Variants in PITPNM2 observed in about 807,000 individuals in gnomAD.
PITPNM2 encodes the protein phosphatidylinositol transfer protein membrane associated 2.
A neutral mutation model predicts 132.2 loss-of-function variants in PITPNM2; 35 were observed. The ratio of observed to expected loss-of-function variants is 0.26; its 90% CI spans 0.20 to 0.35. The LOEUF is 0.35. PITPNM2 is among the 10% of genes least tolerant of loss of function. The pLI is 1.00. For synonymous variants in PITPNM2, 738 were observed against 799.2 expected (o/e 0.92, Z 1.29); for missense variants, 1,332 against 1,912.0 (o/e 0.70, Z 5.66).
intron 2 of PITPNM2, among the ~76,000 whole-genome samples, chr12:123,061,572 TCTCAGA>T (rs1345416474): frequency 5.3e-5 from 8 of 152,220 alleles, no homozygotes; most frequent in Admixed American, 5.2e-4. Flanking sequence ...GCAAGAAGCT[TCTCAGA>T]CCAAAGGCTT....
At chr12:123,015,116 C>T (rs59379557) in intron 3 of PITPNM2, among the ~76,000 whole-genome samples, 1 of 152,174 alleles carries the variant, frequency 6.6e-6, no homozygotes, top group Non-Finnish European at 1.5e-5. Context: ...CTGCCCCAAA[C>T]AACCTACAGA....
chr12:123,052,977 T>C (rs2040911868), intron 2 of PITPNM2, among the ~76,000 whole-genome samples: 1 of 152,084 alleles, frequency 6.6e-6, no homozygotes, highest in Admixed American at 6.5e-5. Context: ...ACCTCCTGAA[T>C]TCAAGCAACC....
rs1252688121 is a variant in PITPNM2 at position 123,064,907 on chromosome 12, C to T, written c.-95-30222G>A. Among the ~76,000 whole-genome samples the T allele has an allele frequency of 6.6e-6, 1 of 152,228 alleles. No homozygotes were observed. Among genetic ancestry groups the T allele is most frequent in the Non-Finnish European group, 1.5e-5 (1 of 68,038 alleles). ...CCTCAGTGTACCCATTTGTGGACCA[C>T]CACCCACCTTGGAGGGTTGAGTGGG... On this transcript the variant is annotated intron_variant, in intron 2 of 25. Transcript: ENST00000320201. This position sits in a 1 kb window ranked among gnomAD's most constrained non-coding sequence, Gnocchi z 4.0.
intron 3 of PITPNM2, among the ~76,000 whole-genome samples, chr12:123,026,376 T>C (rs771633737): frequency 2.6e-5 from 4 of 152,220 alleles, no homozygotes; most frequent in Non-Finnish European, 5.9e-5. Context: ...CGTAGAACCT[T>C]TGGAGGAAGT....
At chr12:123,092,711 C>T (rs957345068) in intron 2 of PITPNM2, 9 of 152,250 alleles carry the variant, frequency 5.9e-5, no homozygotes, top group African/African-American at 2.2e-4. Flanking sequence ...CTAACCCATC[C>T]TAGGTCTCCG....
Position 123,036,691 on chromosome 12 carries a change from GTC to G in PITPNM2, c.-95-2008_-95-2007del, listed in dbSNP as rs1185188058. ...CCCAGACCCCAACTGCCCCTTGGAG[GTC>G]TCTGACCCAGACTCCCCATGGTGCT... On this transcript the variant is annotated intron_variant, in intron 2 of 25. Transcript: ENST00000320201. The surrounding 1 kb of genome is among the most constrained non-coding windows in gnomAD (Gnocchi z 4.1). Among the ~76,000 whole-genome samples, 2 of 152,200 alleles carry G rather than the reference GTC, an allele frequency of 1.3e-5. No individual in the cohort carries two copies. Among genetic ancestry groups the G allele is most frequent in the Admixed American group, 1.3e-4 (2 of 15,288 alleles).
Position 122,994,807 on chromosome 12 carries a change from G to A in PITPNM2, c.2227C>T (p.Leu743=). 1 of 1,609,610 alleles carries A rather than the reference G, an allele frequency of 6.2e-7. No individual in the cohort carries two copies. ...LALRKTVIPA[L]DVFQLRPACQ... is the part of the protein sequence containing the mutation. ...GCCCCTGCTGGGCTCTCACCATCCAGGGCTGGGATGACAGTCTTCCTCAAG... is the reference window on the plus strand; with the variant it reads ...GCCCCTGCTGGGCTCTCACCATCCAAGGCTGGGATGACAGTCTTCCTCAAG... Residue 743 remains leucine (L), a synonymous_variant, in exon 15 of 26, where the codon CTG becomes TTG. Transcript: ENST00000320201. The surrounding 1 kb of genome is among the most constrained non-coding windows in gnomAD (Gnocchi z 5.4).
intron 1 of PITPNM2, among the ~76,000 whole-genome samples, chr12:123,137,580 T>C (rs1008009247): frequency 6.6e-6 from 1 of 152,074 alleles, no homozygotes; most frequent in Non-Finnish European, 1.5e-5. Context: ...CAGGTGGGTA[T>C]TGGAACCAAG....
chr12:123,013,186 C>T (rs1250861761), intron 4 of PITPNM2, among the ~76,000 whole-genome samples: 1 of 152,234 alleles, frequency 6.6e-6, no homozygotes, highest in African/African-American at 2.4e-5. Context: ...GGAAAAAGCT[C>T]CGTGGATCCC....
intron 3 of PITPNM2, among the ~76,000 whole-genome samples, chr12:123,027,687 C>T (rs2039915084): frequency 6.6e-6 from 1 of 152,256 alleles, no homozygotes; most frequent in African/African-American, 2.4e-5. Flanking sequence ...GGCAGAGCCA[C>T]TGGGAGCCAG....
chr12:123,134,625 C>T (rs1450820305), intron 1 of PITPNM2, among the ~76,000 whole-genome samples: 4 of 151,996 alleles, frequency 2.6e-5, no homozygotes, highest in African/African-American at 9.7e-5. Flanking sequence ...GACAGGTTTT[C>T]CCACTTACAA....
intron 3 of PITPNM2, among the ~76,000 whole-genome samples, chr12:123,024,388 G>T (rs918529855): frequency 1.3e-5 from 2 of 152,100 alleles, no homozygotes; most frequent in South Asian, 4.1e-4. Context: ...GTTAAACATA[G>T]AGTTACCATA....
intron 1 of PITPNM2, chr12:123,149,965 G>GA (rs2043694120): frequency 6.6e-6 from 1 of 152,294 alleles, no homozygotes; most frequent in African/African-American, 2.4e-5. Context: ...CACTTCAGTG[G>GA]GAGGGAGAGG....
chr12:123,148,489 A>G (rs1218749560), intron 1 of PITPNM2, among the ~76,000 whole-genome samples: 1 of 152,142 alleles, frequency 6.6e-6, no homozygotes, highest in East Asian at 1.9e-4. Context: ...ATAACTGCAC[A>G]TCCTCTATGA....
Position 122,997,419 on chromosome 12 carries a change from T to C in PITPNM2, c.1378A>G (p.Met460Val). 1 of 1,613,586 alleles carries C rather than the reference T, an allele frequency of 6.2e-7. No homozygotes were observed. The highest frequency in any genetic ancestry group is 8.5e-7 in the Non-Finnish European group (1 of 1,180,014). ...NTIANVFDTV[M>V]RVHYPSALGR... ...AGGGCGCTGGGGTAGTGCACGCGCA[T>C]GACGGTGTCGAACACGTTGGCGATG... Residue 460 changes from methionine to valine, a missense_variant, in exon 11 of 26, where the codon ATG becomes GTG. Physicochemically the swap from Met to Val is conservative, Grantham distance 21 (BLOSUM62 1). Transcript: ENST00000320201.
chr12:123,151,722 G>A (rs1273751248), upstream of PITPNM2, among the ~76,000 whole-genome samples: 1 of 152,168 alleles, frequency 6.6e-6, no homozygotes, highest in African/African-American at 2.4e-5. Flanking sequence ...AAGAGCCCCC[G>A]GTGGGGGAGC....
At chr12:123,121,093 A>G (rs1178682408) in intron 1 of PITPNM2, among the ~76,000 whole-genome samples, 1 of 152,256 alleles carries the variant, frequency 6.6e-6, no homozygotes, top group Non-Finnish European at 1.5e-5. Flanking sequence ...CTCTGGCTCC[A>G]GCCCTCAGAG....
chr12:123,080,849 G>C (rs534392711), intron 2 of PITPNM2, among the ~76,000 whole-genome samples: 1 of 152,304 alleles, frequency 6.6e-6, no homozygotes, highest in South Asian at 2.1e-4. Context: ...GATGATGCTG[G>C]CGCCACCCAA....
intron 2 of PITPNM2, chr12:123,091,084 C>T (rs2042248898): frequency 6.6e-6 from 1 of 152,242 alleles, no homozygotes; most frequent in Non-Finnish European, 1.5e-5. Flanking sequence ...ACGGTTACCA[C>T]CTTGCTACCA....
Sources: gnomAD v4.1 joint callset for allele counts (sites outside exome capture counted in the v4.1 genomes callset) on GRCh38, gnomAD v4.1.1 for gene constraint, Gnocchi (gnomAD v3.1) non-coding constraint, MANE v1.5 for transcripts, NCBI Gene and HGNC (gene_info 2026-07-23, HGNC 2026-07-21) for gene names.